The following ZNF334 variants were observed in gnomAD, a reference collection of about 807,000 sequenced individuals.
ZNF334 encodes zinc finger protein 334.
In ZNF334, 14 loss-of-function variants were observed where a neutral mutation model predicts 12.4. That is an observed-to-expected ratio of 1.13 (90% CI 0.74 to 1.76). The LOEUF (loss-of-function observed/expected upper bound fraction) is 1.76, where lower values mean the gene tolerates loss of function less well. Among genes scored for constraint, ZNF334 ranks in the 40% most tolerant of loss-of-function variants. The probability of loss-of-function intolerance (pLI) is 0.00; values close to 1 mark genes in which losing one functional copy is unlikely to be tolerated. For synonymous variants in ZNF334, 273 were observed against 269.6 expected, an observed-to-expected ratio of 1.01 and a Z score of -0.12; for missense variants, 797 against 804.5, an observed-to-expected ratio of 0.99 and a Z score of 0.11.
At chr20:46,469,703 C>G in the ZNF334 span, among the ~76,000 whole-genome samples, 1 of 152,110 alleles carries the variant, frequency 6.6e-6, no homozygotes, top group Non-Finnish European at 1.5e-5. Flanking sequence ...TTTTCTGGCT[C>G]TTTGCCGACT....
chr20:46,483,314 A>G, the ZNF334 span, among the ~76,000 whole-genome samples: 2 of 151,768 alleles, frequency 1.3e-5, no homozygotes, highest in South Asian at 4.2e-4. Context: ...ATTGATCTGT[A>G]TAAATTCTGA....
downstream of ZNF334, among the ~76,000 whole-genome samples, chr20:46,498,532 C>T (rs1486683773): frequency 6.6e-6 from 1 of 152,168 alleles, no homozygotes; most frequent in Non-Finnish European, 1.5e-5. Flanking sequence ...TTGACAGCAA[C>T]CTCAAAGACC....
At chr20:46,470,924 C>T in the ZNF334 span, among the ~76,000 whole-genome samples, 1 of 152,128 alleles carries the variant, frequency 6.6e-6, no homozygotes. Context: ...CATTCTTGTA[C>T]ACAAATTCTG....
chr20:46,489,060 T>C, the ZNF334 span, among the ~76,000 whole-genome samples: 1 of 152,140 alleles, frequency 6.6e-6, no homozygotes, highest in South Asian at 2.1e-4. Flanking sequence ...TTTATAGCTT[T>C]TACTGTGTTT....
the ZNF334 span, chr20:46,474,695 C>G: frequency 5.9e-5 from 9 of 152,144 alleles, no homozygotes; most frequent in Non-Finnish European, 1.2e-4. Context: ...AAATCTAGAA[C>G]AAAGAATTAT....
chr20:46,495,678 C>T (rs1471656563), downstream of ZNF334, among the ~76,000 whole-genome samples: 1 of 152,124 alleles, frequency 6.6e-6, no homozygotes, highest in Non-Finnish European at 1.5e-5. Flanking sequence ...GATTCTGCCA[C>T]TAAGTCTGTC....
At position 46,502,230 on chromosome 20, in the gene ZNF334, G is replaced by A. The variant is rs2061218412; in HGVS notation, c.1109C>T (p.Thr370Ile). Residue 370 changes from threonine (T) to isoleucine (I), a missense_variant, in exon 5 of 5, where the codon ACT becomes ATT. Transcript: ENST00000692313. Reference sequence around the variant, plus strand: ...TTCATTTGGCTTCTCTCCTCTGTGAGTTCTTTGATGTACAACAAGATACGA... The same window carrying A: ...TTCATTTGGCTTCTCTCCTCTGTGAATTCTTTGATGTACAACAAGATACGA... ...KKSYLVVHQRTHRGEKPNECK... is the reference protein window; with the variant it reads ...KKSYLVVHQRIHRGEKPNECK... 1.2e-6 allele frequency: 2 copies of A among 1,614,040 alleles called. No individual in the cohort carries two copies. Among genetic ancestry groups the A allele is most frequent in the Non-Finnish European group, 1.7e-6 (2 of 1,180,012 alleles).
At chr20:46,467,239 A>C in the ZNF334 span, among the ~76,000 whole-genome samples, 1 of 152,340 alleles carries the variant, frequency 6.6e-6, no homozygotes, top group East Asian at 1.9e-4. Context: ...ATATGGCTGG[A>C]GTTTACAATA....
chr20:46,464,027 C>T, the ZNF334 span: 2 of 635,450 alleles, frequency 3.1e-6, no homozygotes, highest in Non-Finnish European at 6.1e-6. Context: ...GTGACAACCT[C>T]TTCTTCATTG....
chr20:46,510,448 G>A (rs187715773), intron 2 of ZNF334, among the ~76,000 whole-genome samples: 38 of 152,272 alleles, frequency 2.5e-4, no homozygotes, highest in South Asian at 4.2e-4. Flanking sequence ...ACTTCAGGCC[G>A]GGCGCGATGG....
chr20:46,504,586 G>T, intron 3 of ZNF334, 28 bp downstream of exon 3: 1 of 1,566,142 alleles, frequency 6.4e-7, no homozygotes, highest in Non-Finnish European at 8.6e-7. Context: ...GTATGCTCTT[G>T]GGAGTTGTAC....
chr20:46,472,483 A>G, the ZNF334 span, among the ~76,000 whole-genome samples: 1 of 152,200 alleles, frequency 6.6e-6, no homozygotes, highest in African/African-American at 2.4e-5. Context: ...CTGAGAAGAT[A>G]GCTTTTAAGT....
At chr20:46,479,340 A>C in the ZNF334 span, among the ~76,000 whole-genome samples, 14 of 152,170 alleles carry the variant, frequency 9.2e-5, no homozygotes, top group Non-Finnish European at 2.1e-4. Flanking sequence ...AGCCAAAACA[A>C]AAATCCCAGG....
chr20:46,481,032 G>C, the ZNF334 span: 1 of 152,430 alleles, frequency 6.6e-6, no homozygotes, highest in Non-Finnish European at 1.5e-5. Flanking sequence ...GTGTGGTTGG[G>C]GGTAGGGGTT....
chr20:46,470,853 T>C, the ZNF334 span, among the ~76,000 whole-genome samples: 1 of 152,246 alleles, frequency 6.6e-6, no homozygotes, highest in Non-Finnish European at 1.5e-5. Flanking sequence ...TAATTATCCA[T>C]TCTACTTCTA....
chr20:46,464,899 T>C, the ZNF334 span: 2 of 524,252 alleles, frequency 3.8e-6, no homozygotes, highest in Non-Finnish European at 3.9e-6. Flanking sequence ...ATGAGAGACT[T>C]AAGGAAGCAG....
rs969037797 is a variant in ZNF334 at position 46,500,434 on chromosome 20, T to C, written c.*862A>G. The C allele has an allele frequency of 7.2e-5, 11 of 152,210 alleles. No individual in the cohort carries two copies. Among genetic ancestry groups the C allele is most frequent in the African/African-American group, 2.7e-4 (11 of 41,444 alleles). 9.4% of individuals were successfully genotyped at this position (152,210 alleles called of 1,614,324 possible). On this transcript the variant is annotated 3_prime_UTR_variant, in exon 5 of 5. Coordinates refer to ENST00000692313, the MANE Select transcript of ZNF334 (RefSeq NM_001353824.2). ...ACAATACCTCTAATGAACATGTTGA[T>C]TAGGAAATCCAAGAGATTTTTGAAA...
chr20:46,494,217 CAT>C, the ZNF334 span, among the ~76,000 whole-genome samples: 1 of 152,168 alleles, frequency 6.6e-6, no homozygotes, highest in African/African-American at 2.4e-5. Flanking sequence ...AATTTGTTCT[CAT>C]AAACGTCGGT....
At chr20:46,464,750 C>T in the ZNF334 span, 1 of 495,946 alleles carries the variant, frequency 2.0e-6, no homozygotes, top group Non-Finnish European at 4.1e-6. Flanking sequence ...CAGAAAGGGG[C>T]AGTGTACGCT....
Sources: gnomAD v4.1 joint callset for allele counts (sites outside exome capture counted in the v4.1 genomes callset) on GRCh38, gnomAD v4.1.1 for gene constraint, MANE v1.5 for transcripts, NCBI Gene and HGNC (gene_info 2026-07-23, HGNC 2026-07-21) for gene names.